C16orf96: variants seen among roughly 807,000 people sequenced by gnomAD.
The protein encoded by C16orf96 is uncharacterized protein C16orf96.
C16orf96 carries 108 observed loss-of-function variants against 103.6 expected under a neutral mutation model. The ratio of observed to expected loss-of-function variants is 1.04; its 90% CI spans 0.89 to 1.22. The LOEUF (loss-of-function observed/expected upper bound fraction) is 1.22. Ranked by LOEUF, C16orf96 falls within the 50% of genes most tolerant of loss-of-function variation. The probability of loss-of-function intolerance (pLI) is 0.00; values close to 1 mark genes in which losing one functional copy is unlikely to be tolerated. For missense variants in C16orf96, 1,586 were observed against 1,464.2 expected, an observed-to-expected ratio of 1.08 and a Z score of -1.36; for synonymous variants, 566 against 593.5, an observed-to-expected ratio of 0.95 and a Z score of 0.67.
At chr16:4,538,928 G>C in the C16orf96 span, 1 of 152,316 alleles carries the variant, frequency 6.6e-6, no homozygotes, top group Non-Finnish European at 1.5e-5. Flanking sequence ...TGGGATGGTC[G>C]GGGCCTGTTT....
intron 5 of C16orf96, 92 bp from the exon 6 acceptor site, chr16:4,578,848 C>T (rs2059546132): frequency 2.2e-6 from 2 of 910,930 alleles, no homozygotes; most frequent in African/African-American, 3.3e-5. Context: ...GCAGTGCTGC[C>T]TGAGATGCTC....
the C16orf96 span, among the ~76,000 whole-genome samples, chr16:4,550,664 G>A: frequency 0.8 from 122,367 of 152,076 alleles, 52,622 homozygotes; most frequent in East Asian, 1. Context: ...CTAAACCTAC[G>A]TGGAGGGTTT....
In C16orf96 at chr16:4,575,627, C is replaced by T. The variant is rs899543141; in HGVS notation, c.1147C>T (p.Leu383=). ...TGCCCCAGGTGCCCAGCCTCCACCA[C>T]TGGGAGACTGGCCTGCACTCCCAAG... ...VPAPGAQPPP[L]GDWPALPRRW... The change falls in exon 5 of 16, where the codon CTG becomes TTG. Residue 383 remains leucine (L), a synonymous_variant. Transcript: ENST00000444310. The T allele has an allele frequency of 2.0e-6, 3 of 1,526,586 alleles. No homozygotes were observed. The highest frequency in any genetic ancestry group is 2.6e-6 in the Non-Finnish European group (3 of 1,135,990). 94.6% of individuals were successfully genotyped at this position (1,526,586 alleles called of 1,614,324 possible).
At chr16:4,557,311 C>T (rs1426285775) in intron 1 of C16orf96, among the ~76,000 whole-genome samples, 1 of 152,060 alleles carries the variant, frequency 6.6e-6, no homozygotes, top group Non-Finnish European at 1.5e-5. Flanking sequence ...TACGATGGGC[C>T]ATCTCCTTAT....
intron 5 of C16orf96, among the ~76,000 whole-genome samples, chr16:4,577,403 G>C (rs376863040): frequency 6.6e-6 from 1 of 151,982 alleles, no homozygotes; most frequent in African/African-American, 2.4e-5. Context: ...GGTGGCTCAC[G>C]CCTATAATCC....
intron 9 of C16orf96, among the ~76,000 whole-genome samples, chr16:4,590,944 A>G (rs559706690): frequency 6.6e-5 from 10 of 152,046 alleles, no homozygotes; most frequent in Non-Finnish European, 1.3e-4. Context: ...AGGCAGGAGA[A>G]TTGCTTGAAC....
chr16:4,552,284 C>A (rs1046022642), upstream of C16orf96, among the ~76,000 whole-genome samples: 7 of 152,052 alleles, frequency 4.6e-5, no homozygotes, highest in Admixed American at 1.3e-4. Flanking sequence ...GAGCTCGAGA[C>A]CAGCCTGGGC....
chr16:4,556,916 C>G lies in C16orf96; in HGVS notation c.420+7C>G, dbSNP rs1049973747. On this transcript the variant is annotated splice_region_variant and intron_variant, in intron 1 of 15. Transcript: ENST00000444310. The stretch of plus-strand genomic sequence containing the variant: ...TGATGAAGTCATGGCCAAGGTACGC[C>G]CCCAGCCTCCAGACACTTCTTTTCC... The G allele has an allele frequency of 1.3e-6, 2 of 1,531,208 alleles. No homozygotes were observed. Among genetic ancestry groups the G allele is most frequent in the Admixed American group, 4.1e-5 (2 of 49,052 alleles). 94.9% of individuals were successfully genotyped at this position (1,531,208 alleles called of 1,614,324 possible).
the C16orf96 span, among the ~76,000 whole-genome samples, chr16:4,541,228 T>A: frequency 6.6e-6 from 1 of 152,184 alleles, no homozygotes; most frequent in African/African-American, 2.4e-5. Context: ...TTATTTCAAG[T>A]GGAATTTAAA....
In C16orf96 at chr16:4,574,729, C is replaced by T. The variant is rs1223421035; in HGVS notation, c.546C>T (p.Asp182=). The T allele has an allele frequency of 7.7e-6, 12 of 1,551,720 alleles. No individual in the cohort carries two copies. In the Middle Eastern group the frequency reaches 6.6e-4, roughly 86 times the overall value. The change falls in exon 3 of 16, where the codon GAC becomes GAT. Residue 182 remains aspartate, a synonymous_variant. Coordinates refer to ENST00000444310, the MANE Select transcript of C16orf96 (RefSeq NM_001145011.2). ...MLDKVHPERM[D]IFAEDFKIQN... ...GACAGGTACACCCAGAAAGAATGGA[C>T]ATCTTTGCTGAAGACTTCAAAATAC...
In C16orf96 at chr16:4,576,325, G is replaced by A; in HGVS notation, c.1845G>A (p.Gly615=). ...AAIATDTAAA[G]PLGVFADVLG... is the part of the protein sequence containing the mutation. ...TTGCAACAGACACGGCTGCAGCTGG[G>A]CCCCTAGGGGTCTTTGCAGATGTCC... Residue 615 remains glycine, a synonymous_variant, in exon 5 of 16, where the codon GGG becomes GGA. Coordinates refer to ENST00000444310, the MANE Select transcript of C16orf96 (RefSeq NM_001145011.2). 1 of 1,550,780 alleles carries A rather than the reference G, an allele frequency of 6.4e-7. No individual in the cohort carries two copies. The highest frequency in any genetic ancestry group is 8.7e-7 in the Non-Finnish European group (1 of 1,146,992).
the C16orf96 span, among the ~76,000 whole-genome samples, chr16:4,543,008 G>C: frequency 6.6e-6 from 1 of 152,074 alleles, no homozygotes; most frequent in African/African-American, 2.4e-5. Flanking sequence ...CCTGTTCTAG[G>C]CCTGGAAATA....
intron 5 of C16orf96, among the ~76,000 whole-genome samples, chr16:4,578,315 G>A (rs779165988): frequency 2.1e-4 from 32 of 151,846 alleles, no homozygotes; most frequent in Non-Finnish European, 2.2e-4. Flanking sequence ...GCTGATTTTC[G>A]TATTTTTAGT....
rs560004990 is a variant in C16orf96, at chr16:4,599,347, T to C, written c.3191T>C (p.Phe1064Ser). The stretch of plus-strand genomic sequence containing the variant: ...GACCGTGTGCACTCCAGTGCCCTAT[T>C]TGGCGCCATCTGCCCCCGTGAGTAC... ...LYDRVHSSAL[F>S]GAICPPLCPR... Residue 1064 changes from phenylalanine (F) to serine (S), a missense_variant, in exon 15 of 16, where the codon TTT becomes TCT. Transcript: ENST00000444310. The C allele has an allele frequency of 3.9e-6, 6 of 1,551,602 alleles. No individual in the cohort carries two copies. In the Admixed American group the frequency reaches 5.9e-5, roughly 15 times the overall value.
chr16:4,575,501 G>C lies in C16orf96; in HGVS notation c.1021G>C (p.Gly341Arg), dbSNP rs2059492794. ...GTEPVPGLELGLELEPVPALG... is the reference protein window; with the variant it reads ...GTEPVPGLELRLELEPVPALG... ...TGAACCTGTGCCAGGACTGGAGCTG[G>C]GGCTGGAGCTGGAGCCTGTGCCTGC... Residue 341 changes from glycine to arginine, a missense_variant, in exon 5 of 16, where the codon GGG (glycine) becomes CGG (arginine). Physicochemically the swap from Gly to Arg is moderately radical, Grantham distance 125. Coordinates refer to ENST00000444310, the MANE Select transcript of C16orf96 (RefSeq NM_001145011.2). 6.5e-7 allele frequency: 1 copy of C among 1,547,310 alleles called. No homozygotes were observed. The highest frequency in any genetic ancestry group is 2.0e-5 in the Admixed American group (1 of 50,988).
At chr16:4,589,424 A>C (rs1897005555) in intron 9 of C16orf96, among the ~76,000 whole-genome samples, 1 of 151,802 alleles carries the variant, frequency 6.6e-6, no homozygotes, top group African/African-American at 2.4e-5. Flanking sequence ...CTACCAAAAA[A>C]AAAAAAAAGC....
At chr16:4,577,062 A>T (rs2059520422) in intron 5 of C16orf96, among the ~76,000 whole-genome samples, 1 of 151,986 alleles carries the variant, frequency 6.6e-6, no homozygotes, top group Non-Finnish European at 1.5e-5. Flanking sequence ...GTGGTGGTGT[A>T]TGCCTGTAAT....
intron 2 of C16orf96, among the ~76,000 whole-genome samples, chr16:4,572,302 A>ATT (rs751979444): frequency 4.6e-5 from 1 of 21,626 alleles, no homozygotes; most frequent in South Asian, 4.0e-3. Context: ...CAATACTTAT[A>ATT]TTTCTTTTTT....
chr16:4,570,063 A>G (rs1430465767), intron 1 of C16orf96, among the ~76,000 whole-genome samples: 2 of 152,084 alleles, frequency 1.3e-5, no homozygotes, highest in Non-Finnish European at 2.9e-5. Flanking sequence ...GTGAAGCGGC[A>G]CGTTTAAAGC....
Sources: gnomAD v4.1 joint callset for allele counts (sites outside exome capture counted in the v4.1 genomes callset) on GRCh38, gnomAD v4.1.1 for gene constraint, MANE v1.5 for transcripts, NCBI Gene and HGNC (gene_info 2026-07-23, HGNC 2026-07-21) for gene names.